DLC1: variants seen among roughly 807,000 people sequenced by gnomAD.
The protein encoded by DLC1 is rho GTPase-activating protein 7.
In DLC1, 54 loss-of-function variants were observed where a neutral mutation model predicts 140.3. That is an observed-to-expected ratio of 0.38 (90% CI 0.31 to 0.48). DLC1 has a LOEUF of 0.48. DLC1 is among the 20% of genes least tolerant of loss of function. DLC1 has a pLI of 0.96. For missense variants in DLC1, 2,536 were observed against 1,907.0 expected (o/e 1.33, Z -6.14); for synonymous variants, 986 against 728.1 (o/e 1.35, Z -5.70).
intron 1 of DLC1, among the ~76,000 whole-genome samples, chr8:13,563,405 T>C (rs1804312455): frequency 6.6e-6 from 1 of 152,182 alleles, no homozygotes; most frequent in African/African-American, 2.4e-5. Flanking sequence ...AAGAACATTA[T>C]ATCCTAGAAA....
At chr8:13,154,198 G>A (rs114344821) in intron 5 of DLC1, among the ~76,000 whole-genome samples, 2 of 152,220 alleles carry the variant, frequency 1.3e-5, no homozygotes, top group Non-Finnish European at 2.9e-5. Context: ...CCGTGCCAGG[G>A]CCGCACCAGG....
intron 5 of DLC1, among the ~76,000 whole-genome samples, chr8:13,195,302 G>A (rs1279831574): frequency 6.6e-6 from 1 of 152,162 alleles, no homozygotes; most frequent in Non-Finnish European, 1.5e-5. Flanking sequence ...GTCAGCAATT[G>A]GAGATGGCAG....
chr8:13,210,056 G>C (rs964577421), intron 5 of DLC1, among the ~76,000 whole-genome samples: 5 of 152,118 alleles, frequency 3.3e-5, no homozygotes, highest in Non-Finnish European at 1.5e-5. Flanking sequence ...TTTGGTGTGG[G>C]GTAGGGAGGT....
At chr8:13,251,404 A>G (rs937909960) in intron 5 of DLC1, among the ~76,000 whole-genome samples, 4 of 152,244 alleles carry the variant, frequency 2.6e-5, no homozygotes, top group South Asian at 2.1e-4. Flanking sequence ...GATTGATACC[A>G]ATCTGGTATC....
chr8:13,401,985 T>C (rs1181467648), intron 2 of DLC1, among the ~76,000 whole-genome samples: 1 of 152,188 alleles, frequency 6.6e-6, no homozygotes, highest in Admixed American at 6.5e-5. Flanking sequence ...GTACTAATAA[T>C]TATTTGTGGC....
At chr8:13,469,079 A>G (rs59206266) in intron 2 of DLC1, among the ~76,000 whole-genome samples, 38,269 of 151,944 alleles carry the variant, frequency 0.25, 5,795 homozygotes, top group Middle Eastern at 0.39. Flanking sequence ...TCAGCCTCCC[A>G]AAGTGCTGGG....
intron 1 of DLC1, among the ~76,000 whole-genome samples, chr8:13,501,892 T>G (rs1240635857): frequency 1.3e-5 from 2 of 152,198 alleles, no homozygotes; most frequent in African/African-American, 2.4e-5. Flanking sequence ...GCCAGAAAAT[T>G]TCTGCTTTCA....
intron 1 of DLC1, among the ~76,000 whole-genome samples, chr8:13,582,046 G>A (rs964853285): frequency 5.3e-5 from 8 of 152,016 alleles, no homozygotes; most frequent in Admixed American, 2.6e-4. Context: ...GCAAGAGAAG[G>A]GATTGGAGAA....
chr8:13,415,713 C>T (rs561009068), intron 2 of DLC1, among the ~76,000 whole-genome samples: 1 of 152,122 alleles, frequency 6.6e-6, no homozygotes, highest in South Asian at 2.1e-4. Context: ...TAATTTTTAT[C>T]TTATTATTAT....
intron 5 of DLC1, among the ~76,000 whole-genome samples, chr8:13,179,043 C>T (rs1326586175): frequency 6.6e-6 from 1 of 152,084 alleles, no homozygotes. Context: ...AACAATAGAA[C>T]AGATAAATAA....
intron 1 of DLC1, among the ~76,000 whole-genome samples, chr8:13,602,609 C>T (rs1283740582): frequency 6.6e-6 from 1 of 151,778 alleles, no homozygotes; most frequent in African/African-American, 2.4e-5. Context: ...TGTTAATTGT[C>T]AAAACAGTCC....
At chr8:13,449,013 C>T (rs1467366748) in intron 2 of DLC1, among the ~76,000 whole-genome samples, 3 of 152,016 alleles carry the variant, frequency 2.0e-5, no homozygotes, top group Non-Finnish European at 4.4e-5. Context: ...CAGCTGATGC[C>T]TGTTTTCAGG....
chr8:13,502,312 T>A (rs1801854314), intron 1 of DLC1, among the ~76,000 whole-genome samples: 1 of 152,202 alleles, frequency 6.6e-6, no homozygotes, highest in Non-Finnish European at 1.5e-5. Flanking sequence ...ATTTCTAATC[T>A]AGGTGCTTTC....
At chr8:13,498,260 G>A (rs1366019701) in intron 2 of DLC1, among the ~76,000 whole-genome samples, 1 of 152,114 alleles carries the variant, frequency 6.6e-6, no homozygotes, top group Non-Finnish European at 1.5e-5. Flanking sequence ...GGAAAAATGT[G>A]GGGAAATTCT....
At chr8:13,270,272 C>T (rs1218728456) in intron 5 of DLC1, among the ~76,000 whole-genome samples, 1 of 152,180 alleles carries the variant, frequency 6.6e-6, no homozygotes, top group Non-Finnish European at 1.5e-5. Context: ...ATTGTAATTA[C>T]AGTGGCCTTT....
At chr8:13,120,596 C>T (rs1820979345) in intron 5 of DLC1, among the ~76,000 whole-genome samples, 1 of 151,286 alleles carries the variant, frequency 6.6e-6, no homozygotes, top group Non-Finnish European at 1.5e-5. Context: ...AAAAACATTC[C>T]CCACTGAACA....
chr8:13,215,855 C>T (rs565522118), intron 5 of DLC1, among the ~76,000 whole-genome samples: 138 of 152,266 alleles, frequency 9.1e-4, no homozygotes, highest in Non-Finnish European at 1.6e-3. Flanking sequence ...GTGGAGTAAT[C>T]TACTGATTTT....
At chr8:13,486,494 T>TA (rs1295066192) in intron 2 of DLC1, among the ~76,000 whole-genome samples, 1 of 152,176 alleles carries the variant, frequency 6.6e-6, no homozygotes, top group Non-Finnish European at 1.5e-5. Context: ...AGAGTTTCCA[T>TA]AATAATGTTC....
intron 5 of DLC1, among the ~76,000 whole-genome samples, chr8:13,264,003 A>G (rs1212301523): frequency 6.6e-6 from 1 of 151,996 alleles, no homozygotes; most frequent in South Asian, 2.1e-4. Flanking sequence ...AGGATAATGA[A>G]TAAGTAAATT....
Sources: gnomAD v4.1 joint callset for allele counts (sites outside exome capture counted in the v4.1 genomes callset) on GRCh38, gnomAD v4.1.1 for gene constraint, MANE v1.5 for transcripts, NCBI Gene and HGNC (gene_info 2026-07-23, HGNC 2026-07-21) for gene names.